C4orf50: variants seen among roughly 807,000 people sequenced by gnomAD.
C4orf50 encodes uncharacterized protein C4orf50.
In C4orf50, 80 loss-of-function variants were observed where a neutral mutation model predicts 77.2. The ratio of observed to expected loss-of-function variants is 1.04; its 90% CI spans 0.87 to 1.25. The LOEUF (loss-of-function observed/expected upper bound fraction) is 1.25, where lower values mean the gene tolerates loss of function less well. C4orf50 is among the 50% of genes most tolerant of loss of function. The pLI is 0.00. For synonymous variants in C4orf50, 532 were observed against 465.3 expected (o/e 1.14, Z -1.84); for missense variants, 1,257 against 1,152.9 (o/e 1.09, Z -1.31).
At chr4:5,952,978 G>A (rs931567297), downstream of C4orf50, among the ~76,000 whole-genome samples, 3 of 152,238 alleles carry the variant, frequency 2.0e-5, no homozygotes, top group African/African-American at 7.2e-5. The surrounding 1 kb of genome is among the most constrained non-coding windows in gnomAD (Gnocchi z 4.4). Context: ...GGAACCAAAA[G>A]CTGCTGGGAG....
rs1717815170 is a variant in C4orf50 at position 5,932,567 on chromosome 4, C to T, written c.*2474+24334G>A. Among the ~76,000 whole-genome samples the T allele has an allele frequency of 1.3e-5, 2 of 152,200 alleles. No homozygotes were observed. Among genetic ancestry groups the T allele is most frequent in the African/African-American group, 4.8e-5 (2 of 41,462 alleles). ...CCTCCCGCCTCAGCCTCCTGAGTAG[C>T]TGCAACTACAGGTGCATGCAACCAC... On this transcript the variant is annotated intron_variant, in intron 7 of 7. Transcript: ENST00000324058. The surrounding 1 kb of genome is among the most constrained non-coding windows in gnomAD (Gnocchi z 4.2).
At chr4:5,936,973 A>G (rs562134239) in intron 7 of C4orf50, among the ~76,000 whole-genome samples, 2 of 152,258 alleles carry the variant, frequency 1.3e-5, no homozygotes, top group African/African-American at 4.8e-5. Context: ...TACCACCAAG[A>G]AGAAATAATA....
At chr4:5,989,780 T>TCTCATGTTC (rs1422962171) in exon 28 of C4orf50, 14 of 1,523,862 alleles carry the variant, frequency 9.2e-6, no homozygotes, top group Non-Finnish European at 1.1e-5. Flanking sequence ...ATTTCCTTGC[T>TCTCATGTTC]CTCATGTTCC....
intron 25 of C4orf50, among the ~76,000 whole-genome samples, chr4:5,996,404 C>A (rs1045007922): frequency 1.3e-5 from 2 of 152,146 alleles, no homozygotes; most frequent in East Asian, 1.9e-4. Context: ...CTTCCTGTTA[C>A]ACTGAAAGAG....
intron 23 of C4orf50, among the ~76,000 whole-genome samples, chr4:6,013,076 T>G (rs553570599): frequency 1.3e-5 from 2 of 152,316 alleles, no homozygotes; most frequent in Non-Finnish European, 2.9e-5. Context: ...ACTATGACCC[T>G]CAGTAACTTT....
chr4:5,910,597 C>T (rs970471933), intron 7 of C4orf50, among the ~76,000 whole-genome samples: 12 of 152,068 alleles, frequency 7.9e-5, no homozygotes, highest in Non-Finnish European at 1.3e-4. Flanking sequence ...GAGAAAATGA[C>T]CCCACAATAA....
At chr4:5,966,155 T>C (rs1000953139) in intron 32 of C4orf50, among the ~76,000 whole-genome samples, 4 of 152,162 alleles carry the variant, frequency 2.6e-5, no homozygotes, top group Admixed American at 6.6e-5. Context: ...TTCTGTCTGG[T>C]CAGATAGGGG....
At chr4:6,004,262 A>ATGATGATG (rs1722093469) in intron 25 of C4orf50, among the ~76,000 whole-genome samples, 1 of 50,962 alleles carries the variant, frequency 2.0e-5, no homozygotes, top group Non-Finnish European at 3.7e-5. Flanking sequence ...GGTGATGGTG[A>ATGATGATG]TGGTGGTGAT....
chr4:5,966,300 A>G (rs1470073531), intron 32 of C4orf50, among the ~76,000 whole-genome samples: 2 of 152,004 alleles, frequency 1.3e-5, no homozygotes, highest in African/African-American at 4.8e-5. Context: ...ACATGGAGAA[A>G]CCCTGTCTCT....
exon 28 of C4orf50, chr4:5,988,718 C>A (rs144840767): frequency 1.2e-5 from 19 of 1,536,122 alleles, no homozygotes; most frequent in Non-Finnish European, 1.7e-5. Context: ...CGCCCCTGAT[C>A]CGTGCTCCTC....
At chr4:5,998,755 T>C (rs769021894) in intron 25 of C4orf50, among the ~76,000 whole-genome samples, 3 of 152,262 alleles carry the variant, frequency 2.0e-5, no homozygotes, top group Non-Finnish European at 4.4e-5. Flanking sequence ...GTCTCCTCTA[T>C]AAGCTTTTGG....
downstream of C4orf50, among the ~76,000 whole-genome samples, chr4:5,956,361 G>A (rs539740940): frequency 3.3e-5 from 5 of 152,280 alleles, no homozygotes; most frequent in East Asian, 7.7e-4. Context: ...ACTGCTCATT[G>A]GTCAGCCGCC....
chr4:5,986,207 G>C (rs1325201201), intron 28 of C4orf50, among the ~76,000 whole-genome samples: 3 of 152,020 alleles, frequency 2.0e-5, no homozygotes, highest in Non-Finnish European at 4.4e-5. Context: ...TCTTTACAAG[G>C]GTATGTGGGA....
chr4:5,975,343 G>T (rs13137971), intron 30 of C4orf50, among the ~76,000 whole-genome samples: 5 of 151,656 alleles, frequency 3.3e-5, no homozygotes, highest in African/African-American at 4.8e-5. Context: ...CCACCTCCTA[G>T]GTCACCCCAT....
At chr4:5,990,426 G>A in exon 28 of C4orf50, 1 of 408,768 alleles carries the variant, frequency 2.4e-6, no homozygotes, top group East Asian at 3.6e-5. Flanking sequence ...GATCCTTGGG[G>A]TGTTTTTTCA....
At chr4:5,981,402 CT>C (rs35263863) in intron 28 of C4orf50, among the ~76,000 whole-genome samples, 15,153 of 123,964 alleles carry the variant, frequency 0.12, 791 homozygotes, top group African/African-American at 0.18. Flanking sequence ...AAGTGAGTAT[CT>C]TTTTTTTTTT....
In C4orf50 at chr4:5,916,221, G is replaced by A. The variant is rs568147462; in HGVS notation, c.*2475-18033C>T. On this transcript the variant is annotated intron_variant, in intron 7 of 7. Coordinates refer to the C4orf50 transcript ENST00000324058. This position sits in a 1 kb window ranked among gnomAD's most constrained non-coding sequence, Gnocchi z 4.4. ...TTCCCTCACTGGACAGGGAACAGACGCACCAACAGCTCCTGGTTACTCTGG... is the reference window on the plus strand; with the variant it reads ...TTCCCTCACTGGACAGGGAACAGACACACCAACAGCTCCTGGTTACTCTGG... Among the ~76,000 whole-genome samples the A allele has an allele frequency of 1.3e-5, 2 of 152,286 alleles. No homozygotes were observed. Among genetic ancestry groups the A allele is most frequent in the Admixed American group, 6.5e-5 (1 of 15,306 alleles).
At chr4:5,964,245 CAGGGGAA>C (rs1424689335) in intron 33 of C4orf50, among the ~76,000 whole-genome samples, 1 of 152,146 alleles carries the variant, frequency 6.6e-6, no homozygotes, top group Non-Finnish European at 1.5e-5. Flanking sequence ...TTGGGGCCGA[CAGGGGAA>C]AGGGCTCTCA....
downstream of C4orf50, among the ~76,000 whole-genome samples, chr4:5,956,369 G>T (rs556001627): frequency 6.6e-6 from 1 of 152,282 alleles, no homozygotes; most frequent in South Asian, 2.1e-4. Context: ...TTGGTCAGCC[G>T]CCCACTCCAC....
Sources: gnomAD v4.1 joint callset for allele counts (sites outside exome capture counted in the v4.1 genomes callset) on GRCh38, gnomAD v4.1.1 for gene constraint, Gnocchi (gnomAD v3.1) non-coding constraint, MANE v1.5 for transcripts, NCBI Gene and HGNC (gene_info 2026-07-23, HGNC 2026-07-21) for gene names.